The following CHERP variants were observed in gnomAD, a reference collection of about 807,000 sequenced individuals.
CHERP encodes the protein ERPROT 213-21.
CHERP carries 8 observed loss-of-function variants against 113.8 expected under a neutral mutation model. The ratio of observed to expected loss-of-function variants is 0.07; its 90% CI spans 0.04 to 0.13. The LOEUF is 0.13. Among genes scored for constraint, CHERP ranks in the 10% least tolerant of loss-of-function variants. The pLI is 1.00. For missense variants in CHERP, 884 were observed against 1,298.2 expected, an observed-to-expected ratio of 0.68 and a Z score of 4.90; for synonymous variants, 559 against 524.5, an observed-to-expected ratio of 1.07 and a Z score of -0.90.
chr19:16,521,185 A>G, intron 12 of CHERP: 1 of 582,888 alleles, frequency 1.7e-6, no homozygotes, highest in East Asian at 2.9e-5. Context: ...AAACAGGAAC[A>G]CTGACTCATG....
chr19:16,537,890 C>T (rs1052959790), intron 2 of CHERP, among the ~76,000 whole-genome samples: 27 of 152,296 alleles, frequency 1.8e-4, no homozygotes, highest in African/African-American at 6.0e-4. Flanking sequence ...TGATGGTTCA[C>T]GGTCCACATT....
chr19:16,528,807 G>A (rs1268376053), intron 8 of CHERP, among the ~76,000 whole-genome samples: 7 of 152,192 alleles, frequency 4.6e-5, no homozygotes, highest in African/African-American at 7.2e-5. Flanking sequence ...CAAAAAAGTA[G>A]CTGGGCATGG....
rs1172529029 is a variant in CHERP, at chr19:16,525,411, C to A, written c.1572G>T (p.Gly524=). Residue 524 remains glycine, a synonymous_variant, in exon 10 of 17, where the codon GGG becomes GGT. Transcript: ENST00000546361. This position sits in a 1 kb window ranked among gnomAD's most constrained non-coding sequence, Gnocchi z 6.5. ...FRMQRPPHFR[G]PFPPHQQHPQ... ...GGTGCTGCTGGTGGGGCGGGAAGGG[C>A]CCCCGGAAGTGTGGGGGCCGCTGCA... 6.6e-7 allele frequency: 1 copy of A among 1,508,262 alleles called. No homozygotes were observed. Among genetic ancestry groups the A allele is most frequent in the Admixed American group, 2.2e-5 (1 of 44,748 alleles). The allele number at this position is 1,508,262 out of a possible 1,614,324, so 93.4% of individuals were successfully genotyped here.
At position 16,521,598 on chromosome 19, in the gene CHERP, G is replaced by C; in HGVS notation, c.2037C>G (p.Pro679=). Reference sequence around the variant, plus strand: ...CCAGCAGCCTCTCGCTGGGCGGCATGGGGGGTGGGAGGCGGATGTCTTTAG... The same window carrying C: ...CCAGCAGCCTCTCGCTGGGCGGCATCGGGGGTGGGAGGCGGATGTCTTTAG... ...LDPKDIRLPP[P]MPPSERLLAA... is the part of the protein sequence containing the mutation. Residue 679 remains proline, a synonymous_variant, in exon 12 of 17, where the codon CCC becomes CCG. Transcript: ENST00000546361. The C allele has an allele frequency of 6.2e-7, 1 of 1,608,266 alleles. No homozygotes were observed. Among genetic ancestry groups the C allele is most frequent in the Non-Finnish European group, 8.5e-7 (1 of 1,177,450 alleles).
At chr19:16,538,312 G>C (rs752209023) in intron 2 of CHERP, among the ~76,000 whole-genome samples, 3 of 152,170 alleles carry the variant, frequency 2.0e-5, no homozygotes, top group African/African-American at 4.8e-5. Flanking sequence ...CCTCTGCCCG[G>C]AACACTTTTC....
At chr19:16,540,453 A>C (rs1352300127) in intron 2 of CHERP, among the ~76,000 whole-genome samples, 1 of 147,742 alleles carries the variant, frequency 6.8e-6, no homozygotes, top group East Asian at 2.0e-4. Context: ...GCTCAATGCA[A>C]CCTCCAGCTC....
Position 16,529,797 on chromosome 19 carries a change from C to G in CHERP, c.980G>C (p.Ser327Thr). 1 of 1,613,536 alleles carries G rather than the reference C, an allele frequency of 6.2e-7. No individual in the cohort carries two copies. The highest frequency in any genetic ancestry group is 8.5e-7 in the Non-Finnish European group (1 of 1,179,910). ...CTGCTGCTGCTGCTGCTGGGCCAGG[C>G]TGGTGACAAACTCCTCGTGCTGCGT... Reference protein sequence around the residue: ...LKTQHEEFVTSLAQQQQQQQQ... With the variant: ...LKTQHEEFVTTLAQQQQQQQQ... Residue 327 changes from serine (S) to threonine (T), a missense_variant, in exon 8 of 17, where the codon AGC (serine) becomes ACC (threonine). Coordinates refer to ENST00000546361, the MANE Select transcript of CHERP (RefSeq NM_006387.6).
At chr19:16,529,994 G>A in intron 7 of CHERP, 94 bp from the exon 8 acceptor site, 1 of 1,471,022 alleles carries the variant, frequency 6.8e-7, no homozygotes, top group Non-Finnish European at 9.1e-7. Context: ...AGCAGAGCCT[G>A]GGGGACCTGG....
At chr19:16,542,285 G>A (rs560299617) in intron 1 of CHERP, 69 bp downstream of exon 1, 2 of 1,338,270 alleles carry the variant, frequency 1.5e-6, no homozygotes, top group South Asian at 1.8e-5. Context: ...GGGGACTCCG[G>A]GAGGCGGGGC....
intron 2 of CHERP, among the ~76,000 whole-genome samples, chr19:16,536,968 C>T (rs560755205): frequency 4.6e-5 from 7 of 152,184 alleles, no homozygotes; most frequent in African/African-American, 9.6e-5. Flanking sequence ...GCCGAGATGG[C>T]GCCACTGCAC....
chr19:16,520,326 G>A lies in CHERP; in HGVS notation c.2345+38C>T, dbSNP rs753599451. The A allele has an allele frequency of 9.9e-6, 16 of 1,611,476 alleles. No homozygotes were observed. Among genetic ancestry groups the A allele is most frequent in the Non-Finnish European group, 1.4e-5 (16 of 1,178,350 alleles). On this transcript the variant is annotated intron_variant, in intron 14 of 16. Coordinates refer to ENST00000546361, the MANE Select transcript of CHERP (RefSeq NM_006387.6). The surrounding 1 kb of genome is among the most constrained non-coding windows in gnomAD (Gnocchi z 4.0). ...AGGCGTCGTGGGGAGGCCACAGGAA[G>A]AGGCCTCAGGCACTGCCCTGAGGCA...
chr19:16,535,392 G>C lies in CHERP; in HGVS notation c.384+60C>G. ...CTGTTATTCATTCTGATGAGCAGAC[G>C]CAAAAACAGAGGCACAGGGGAGCTG... On this transcript the variant is annotated intron_variant, in intron 3 of 16. Coordinates refer to ENST00000546361, the MANE Select transcript of CHERP (RefSeq NM_006387.6). The surrounding 1 kb of genome is among the most constrained non-coding windows in gnomAD (Gnocchi z 4.3). 1.3e-6 allele frequency: 2 copies of C among 1,543,092 alleles called. No individual in the cohort carries two copies. Among genetic ancestry groups the C allele is most frequent in the East Asian group, 2.4e-5 (1 of 42,338 alleles).
At position 16,532,679 on chromosome 19, in the gene CHERP, C is replaced by T. The variant is rs764778449; in HGVS notation, c.593G>A (p.Arg198Gln). ...TGCCCCATCAGCCGTGATGCGGTTC[C>T]GGAGGTGGCCGGCCATCAGCTCACA... ...PHCELMAGHL[R>Q]NRITADGAHF... The change falls in exon 5 of 17, where the codon CGG becomes CAG. Residue 198 changes from arginine (R) to glutamine (Q), a missense_variant. This residue lies in a region of CHERP where 73 missense variants were observed against 182.4 expected (regional missense o/e 0.40). Coordinates refer to ENST00000546361, the MANE Select transcript of CHERP (RefSeq NM_006387.6). This position sits in a 1 kb window ranked among gnomAD's most constrained non-coding sequence, Gnocchi z 4.4. The T allele has an allele frequency of 3.1e-6, 5 of 1,613,516 alleles. No homozygotes were observed. Among genetic ancestry groups the T allele is most frequent in the Non-Finnish European group, 4.2e-6 (5 of 1,179,932 alleles).
chr19:16,521,431 AT>A, intron 12 of CHERP, 89 bp downstream of exon 12: 1 of 1,321,450 alleles, frequency 7.6e-7, no homozygotes, highest in Non-Finnish European at 1.0e-6. Flanking sequence ...GGACAGCCAC[AT>A]TTTCTAGCCT....
rs1256501566 is a variant in CHERP, at chr19:16,520,139, A to G, written c.2462+10T>C. Reference sequence around the variant, plus strand: ...GAGTTACCAGCGCAGCACTTAAGACAGGATCTTACGGCGGGGTGGGGCTCC... The same window carrying G: ...GAGTTACCAGCGCAGCACTTAAGACGGGATCTTACGGCGGGGTGGGGCTCC... On this transcript the variant is annotated intron_variant, in intron 15 of 16. Transcript: ENST00000546361. The surrounding 1 kb of genome is among the most constrained non-coding windows in gnomAD (Gnocchi z 4.0). 6.2e-7 allele frequency: 1 copy of G among 1,611,202 alleles called. No homozygotes were observed. Among genetic ancestry groups the G allele is most frequent in the Non-Finnish European group, 8.5e-7 (1 of 1,178,710 alleles).
intron 2 of CHERP, among the ~76,000 whole-genome samples, chr19:16,539,036 C>T (rs2085759351): frequency 6.6e-6 from 1 of 152,150 alleles, no homozygotes; most frequent in African/African-American, 2.4e-5. Flanking sequence ...GCAGGCCTCA[C>T]TGCTCCCCAG....
At chr19:16,534,667 G>A (rs966391972) in intron 3 of CHERP, among the ~76,000 whole-genome samples, 5 of 151,872 alleles carry the variant, frequency 3.3e-5, no homozygotes, top group Non-Finnish European at 7.4e-5. Context: ...ATAGAGACAG[G>A]GTTTCATCAT....
intron 2 of CHERP, among the ~76,000 whole-genome samples, chr19:16,537,490 C>T (rs1483973677): frequency 6.6e-6 from 1 of 151,936 alleles, no homozygotes; most frequent in Admixed American, 6.5e-5. Context: ...ACCAACTGCA[C>T]GGCCCACTGT....
intron 8 of CHERP, among the ~76,000 whole-genome samples, chr19:16,529,130 T>C (rs2085677611): frequency 6.6e-6 from 1 of 152,142 alleles, no homozygotes; most frequent in Admixed American, 6.6e-5. Context: ...TCTCATGGGC[T>C]CAAGTGATCC....
Sources: allele counts gnomAD v4.1 joint callset (sites outside exome capture counted in the v4.1 genomes callset), GRCh38; gene constraint gnomAD v4.1.1; regional missense constraint gnomAD v4.1.1; non-coding constraint Gnocchi (gnomAD v3.1); transcripts MANE v1.5; gene names NCBI Gene and HGNC (gene_info 2026-07-23, HGNC 2026-07-21).